Variants in DAB1 observed in about 807,000 individuals in gnomAD.
DAB1 encodes DAB adaptor protein 1.
DAB1 carries 15 observed loss-of-function variants against 64.6 expected under a neutral mutation model. The ratio of observed to expected loss-of-function variants is 0.23; its 90% confidence interval spans 0.16 to 0.36. The LOEUF is 0.36. Ranked by LOEUF, DAB1 falls within the 10% of genes least tolerant of loss-of-function variation. The pLI is 1.00. For missense variants in DAB1, 596 were observed against 706.7 expected (o/e 0.84, Z 1.78); for synonymous variants, 235 against 251.9 (o/e 0.93, Z 0.64).
chr1:57,925,500 T>TATGTGTCAGAAACTAGACTCTAGATATA (rs1644866406), intron 5 of DAB1, among the ~76,000 whole-genome samples: 1 of 152,220 alleles, frequency 6.6e-6, no homozygotes, highest in Non-Finnish European at 1.5e-5. Flanking sequence ...AAGCCACATT[T>TATGTGTCAGAAACTAGACTCTAGATATA]ATGTGTCAGA....
intron 7 of DAB1, among the ~76,000 whole-genome samples, chr1:57,466,022 T>C (rs927502104): frequency 1.3e-5 from 2 of 152,198 alleles, no homozygotes; most frequent in African/African-American, 4.8e-5. Context: ...AAATGCTCTC[T>C]TTAATAGCTA....
At chr1:58,293,589 T>C (rs1216826918) in intron 4 of DAB1, among the ~76,000 whole-genome samples, 1 of 152,164 alleles carries the variant, frequency 6.6e-6, no homozygotes, top group African/African-American at 2.4e-5. Context: ...CAGGAGAATC[T>C]GGCATGGGCA....
intron 1 of DAB1, among the ~76,000 whole-genome samples, chr1:57,317,264 C>T (rs899619191): frequency 1.3e-5 from 2 of 152,260 alleles, no homozygotes; most frequent in East Asian, 3.9e-4. Context: ...GGGTGAGCCT[C>T]GCAATGACGG....
Position 58,454,594 on chromosome 1 carries a change from G to A in DAB1, n.257+51466C>T, listed in dbSNP as rs368262844. 9.9e-5 allele frequency among the ~76,000 whole-genome samples: 15 copies of A among 152,218 alleles called. No homozygotes were observed. The East Asian group carries it at 2.1e-3, about 22-fold the overall frequency. On this transcript the variant is annotated intron_variant and non_coding_transcript_variant, in intron 3 of 20. Transcript: ENST00000485760. ...CAAGGAGGCAAGGAAAGGAACCCAC[G>A]TCCGAGGGCCACACCTCCTTGCTTT...
chr1:58,338,085 CA>C (rs1663165455), intron 4 of DAB1, among the ~76,000 whole-genome samples: 1 of 152,158 alleles, frequency 6.6e-6, no homozygotes, highest in East Asian at 1.9e-4. Context: ...TTCTAAAAGC[CA>C]AAGTCACTCT....
intron 9 of DAB1, among the ~76,000 whole-genome samples, chr1:57,057,454 G>A (rs953969552): frequency 6.6e-6 from 1 of 152,074 alleles, no homozygotes; most frequent in African/African-American, 2.4e-5. Flanking sequence ...CTGAGACAAG[G>A]CAAGGGATGT....
intron 3 of DAB1, among the ~76,000 whole-genome samples, chr1:58,383,545 A>G (rs899592398): frequency 6.6e-6 from 1 of 152,216 alleles, no homozygotes; most frequent in Non-Finnish European, 1.5e-5. Flanking sequence ...AATAGTAGCT[A>G]CCACATACGG....
intron 4 of DAB1, among the ~76,000 whole-genome samples, chr1:57,112,484 CAA>C (rs1352635267): frequency 6.6e-6 from 1 of 152,064 alleles, no homozygotes; most frequent in East Asian, 1.9e-4. Context: ...TCTGGATTTT[CAA>C]AGAGTAACTA....
chr1:57,421,914 T>TGGGGGGG (rs1684932712), intron 1 of DAB1, among the ~76,000 whole-genome samples: 2 of 11,472 alleles, frequency 1.7e-4, no homozygotes, highest in Non-Finnish European at 3.3e-4. Context: ...GGGGGGGGGG[T>TGGGGGGG]GGCGGGGGGG....
intron 3 of DAB1, among the ~76,000 whole-genome samples, chr1:58,500,371 T>C (rs1010183105): frequency 6.6e-6 from 1 of 152,204 alleles, no homozygotes; most frequent in African/African-American, 2.4e-5. Flanking sequence ...AACAACGACA[T>C]TTCACTTCAA....
chr1:57,747,731 T>C (rs190447384), intron 6 of DAB1, among the ~76,000 whole-genome samples: 3 of 141,738 alleles, frequency 2.1e-5, no homozygotes, highest in African/African-American at 8.0e-5. Context: ...ATGGCGTGAA[T>C]CTGGGAGGCT....
intron 7 of DAB1, among the ~76,000 whole-genome samples, chr1:57,435,487 T>A (rs1175952731): frequency 6.6e-6 from 1 of 152,250 alleles, no homozygotes; most frequent in African/African-American, 2.4e-5. Flanking sequence ...TAAAGCTGTA[T>A]AAACATTTTC....
chr1:57,261,858 T>A (rs1251085520), intron 2 of DAB1, among the ~76,000 whole-genome samples: 1 of 152,190 alleles, frequency 6.6e-6, no homozygotes, highest in East Asian at 1.9e-4. Context: ...CAAGATGAAG[T>A]GCGGTAAAAA....
intron 5 of DAB1, among the ~76,000 whole-genome samples, chr1:58,114,099 A>G (rs1652169027): frequency 6.6e-6 from 1 of 151,744 alleles, no homozygotes; most frequent in Admixed American, 6.6e-5. Context: ...TACAAAAAAA[A>G]AAAAAAAAAA....
intron 4 of DAB1, among the ~76,000 whole-genome samples, chr1:58,255,674 A>T (rs915417033): frequency 2.6e-5 from 4 of 152,222 alleles, no homozygotes; most frequent in African/African-American, 9.7e-5. Flanking sequence ...ACACAGAATG[A>T]ATCTTGTGGC....
At chr1:57,113,086 T>C (rs893268254) in intron 4 of DAB1, among the ~76,000 whole-genome samples, 3 of 152,178 alleles carry the variant, frequency 2.0e-5, no homozygotes, top group Admixed American at 6.5e-5. Flanking sequence ...TGAGGTTAGA[T>C]GACAGTTTTT....
chr1:57,969,470 G>A (rs1645746057), intron 5 of DAB1, among the ~76,000 whole-genome samples: 1 of 152,102 alleles, frequency 6.6e-6, no homozygotes, highest in East Asian at 1.9e-4. Flanking sequence ...AGCCTCCCGA[G>A]TAGAATATAT....
At chr1:57,266,089 A>C (rs914108639) in intron 2 of DAB1, among the ~76,000 whole-genome samples, 1 of 152,186 alleles carries the variant, frequency 6.6e-6, no homozygotes, top group Non-Finnish European at 1.5e-5. Context: ...AGGGAATAAA[A>C]AACAAGCAGA....
chr1:57,728,794 C>T (rs1027833687), intron 6 of DAB1, among the ~76,000 whole-genome samples: 2 of 152,160 alleles, frequency 1.3e-5, no homozygotes, highest in Non-Finnish European at 2.9e-5. Flanking sequence ...AAAACTAGAA[C>T]ACCTTTCTCA....
Sources: allele counts gnomAD v4.1 joint callset (sites outside exome capture counted in the v4.1 genomes callset), GRCh38; gene constraint gnomAD v4.1.1; transcripts MANE v1.5; gene names NCBI Gene and HGNC (gene_info 2026-07-23, HGNC 2026-07-21).